SLC71A1: variants seen among roughly 807,000 people sequenced by gnomAD.
SLC71A1 encodes the protein hippocampus abundant gene transcript 1.
chr1:100,078,443 C>T, the SLC71A1 span: 1 of 1,597,010 alleles, frequency 6.3e-7, no homozygotes, highest in Non-Finnish European at 8.6e-7. Flanking sequence ...TTGCTGCTCT[C>T]CTTATAGGAT....
At chr1:100,051,053 C>T in the SLC71A1 span, among the ~76,000 whole-genome samples, 1 of 150,998 alleles carries the variant, frequency 6.6e-6, no homozygotes, top group South Asian at 2.1e-4. Context: ...CCACCACACT[C>T]CAGCCTGGGC....
the SLC71A1 span, chr1:100,068,095 T>C: frequency 1.2e-6 from 2 of 1,614,090 alleles, no homozygotes; most frequent in Non-Finnish European, 1.7e-6. Flanking sequence ...TTGCTAGATA[T>C]TTGTTTTATC....
At chr1:100,054,401 C>T in the SLC71A1 span, among the ~76,000 whole-genome samples, 8 of 151,864 alleles carry the variant, frequency 5.3e-5, no homozygotes, top group Non-Finnish European at 7.4e-5. Context: ...CTAGTAGAGG[C>T]GGGGTTTTAC....
chr1:100,040,811 G>C, the SLC71A1 span, among the ~76,000 whole-genome samples: 7 of 152,142 alleles, frequency 4.6e-5, no homozygotes, highest in African/African-American at 1.7e-4. Flanking sequence ...CTCTGTTGTT[G>C]TGTGTTTTTT....
chr1:100,062,650 A>C, the SLC71A1 span, among the ~76,000 whole-genome samples: 1 of 152,326 alleles, frequency 6.6e-6, no homozygotes, highest in East Asian at 1.9e-4. Context: ...CCTTGTGATA[A>C]ATAAGGACTG....
the SLC71A1 span, among the ~76,000 whole-genome samples, chr1:100,072,653 A>G: frequency 6.6e-6 from 1 of 152,080 alleles, no homozygotes; most frequent in African/African-American, 2.4e-5. Context: ...AATTATAGTT[A>G]TGTAGCTTCT....
chr1:100,039,015 C>T, the SLC71A1 span, among the ~76,000 whole-genome samples: 2 of 152,116 alleles, frequency 1.3e-5, no homozygotes, highest in Admixed American at 1.3e-4. Flanking sequence ...TCAGTCATGG[C>T]CTAAGGATCG....
At chr1:100,057,057 T>A in the SLC71A1 span, among the ~76,000 whole-genome samples, 1 of 152,324 alleles carries the variant, frequency 6.6e-6, no homozygotes, top group East Asian at 1.9e-4. Flanking sequence ...CCCTTATACA[T>A]TTTTGTTATT....
chr1:100,058,758 TATA>T, the SLC71A1 span: 2 of 1,213,590 alleles, frequency 1.6e-6, no homozygotes, highest in Non-Finnish European at 2.4e-6. Context: ...TATATGTGTA[TATA>T]TACATACATA....
At chr1:100,080,888 A>G in the SLC71A1 span, among the ~76,000 whole-genome samples, 5,031 of 152,282 alleles carry the variant, frequency 0.033, 303 homozygotes, top group African/African-American at 0.11. Flanking sequence ...TAGTTTGTCA[A>G]TGGCATATGT....
chr1:100,074,051 G>C, the SLC71A1 span, among the ~76,000 whole-genome samples: 734 of 152,250 alleles, frequency 4.8e-3, 8 homozygotes, highest in African/African-American at 0.017. Flanking sequence ...TAAGAGAAAA[G>C]TTCCTGCCTT....
At chr1:100,069,819 ATTTG>A in the SLC71A1 span, 2 of 669,902 alleles carry the variant, frequency 3.0e-6, no homozygotes, top group East Asian at 2.6e-5. Flanking sequence ...CAGAAATTCA[ATTTG>A]TTTGTGTAGC....
At chr1:100,045,030 C>G in the SLC71A1 span, among the ~76,000 whole-genome samples, 3 of 152,036 alleles carry the variant, frequency 2.0e-5, no homozygotes, top group Non-Finnish European at 4.4e-5. Context: ...TTTTCTTGTT[C>G]TGTGAAGTAT....
the SLC71A1 span, among the ~76,000 whole-genome samples, chr1:100,047,610 CG>C: frequency 1.3e-5 from 2 of 152,046 alleles, no homozygotes; most frequent in Non-Finnish European, 2.9e-5. Context: ...TTAGTGGAGA[CG>C]GGGTTTCTTC....
At chr1:100,080,661 T>C in the SLC71A1 span, 1 of 1,611,834 alleles carries the variant, frequency 6.2e-7, no homozygotes, top group Non-Finnish European at 8.5e-7. Context: ...TTTGAACAGG[T>C]AATTCTCATT....
At chr1:100,075,118 T>C in the SLC71A1 span, among the ~76,000 whole-genome samples, 1 of 152,198 alleles carries the variant, frequency 6.6e-6, no homozygotes, top group African/African-American at 2.4e-5. Context: ...GTAATATTAA[T>C]GATCTCTGCT....
At chr1:100,067,705 G>A in the SLC71A1 span, among the ~76,000 whole-genome samples, 111 of 152,194 alleles carry the variant, frequency 7.3e-4, 1 homozygote, top group African/African-American at 2.6e-3. Flanking sequence ...CCCATCAGGA[G>A]ATCTTCAGGC....
chr1:100,042,086 A>AG, the SLC71A1 span, among the ~76,000 whole-genome samples: 3 of 152,214 alleles, frequency 2.0e-5, no homozygotes, highest in Non-Finnish European at 4.4e-5. Flanking sequence ...CATTCCTGTT[A>AG]GAGGCTAAGA....
the SLC71A1 span, among the ~76,000 whole-genome samples, chr1:100,038,837 G>C: frequency 6.6e-6 from 1 of 152,212 alleles, no homozygotes; most frequent in Non-Finnish European, 1.5e-5. Flanking sequence ...GTCTCTCTGC[G>C]TCGGTGCTCC....
Sources: gnomAD v4.1 joint callset for allele counts (sites outside exome capture counted in the v4.1 genomes callset) on GRCh38, gnomAD v4.1.1 for gene constraint, MANE v1.5 for transcripts, NCBI Gene and HGNC (gene_info 2026-07-23, HGNC 2026-07-21) for gene names.